The following KIF26B variants were observed in gnomAD, a reference collection of about 807,000 sequenced individuals.
The protein encoded by KIF26B is kinesin-like protein KIF26B.
KIF26B carries 63 observed loss-of-function variants against 151.2 expected under a neutral mutation model. The observed-to-expected ratio is 0.42, with a 90% CI of 0.34 to 0.51. The LOEUF (loss-of-function observed/expected upper bound fraction) is 0.51. Among genes scored for constraint, KIF26B ranks in the 20% least tolerant of loss-of-function variants. The probability of loss-of-function intolerance (pLI) is 0.07; values close to 1 mark genes in which losing one functional copy is unlikely to be tolerated. For synonymous variants in KIF26B, 1,357 were observed against 1,262.1 expected (o/e 1.08, Z -1.59); for missense variants, 2,813 against 2,913.6 (o/e 0.97, Z 0.79).
At chr1:245,364,709 C>T (rs898224932) in intron 2 of KIF26B, among the ~76,000 whole-genome samples, 6 of 152,086 alleles carry the variant, frequency 3.9e-5, no homozygotes, top group African/African-American at 9.7e-5. Context: ...CATGAGCCAC[C>T]GCGCCCGGCT....
chr1:245,578,060 G>C (rs963266003), intron 5 of KIF26B, among the ~76,000 whole-genome samples: 1 of 152,228 alleles, frequency 6.6e-6, no homozygotes, highest in Admixed American at 6.5e-5. Flanking sequence ...GTGGAACTGC[G>C]GCAATGAGTC....
chr1:245,622,056 G>A (rs1024503330), intron 9 of KIF26B, among the ~76,000 whole-genome samples: 8 of 152,122 alleles, frequency 5.3e-5, no homozygotes, highest in African/African-American at 1.9e-4. Flanking sequence ...TTAATCTGTG[G>A]TGCATGTGGA....
rs1323478522 is a variant in KIF26B, at chr1:245,330,190, A to T, written c.466-36644A>T. Among the ~76,000 whole-genome samples, 6 of 151,384 alleles carry T rather than the reference A, an allele frequency of 4.0e-5. No homozygotes were observed. The East Asian group carries it at 1.0e-3, about 25-fold the overall frequency. ...GTAGAATTGTCTGCTTTTAGCACAC[A>T]GGCCCACCTGGGCTGGCCTGAGGAG... On this transcript the variant is annotated intron_variant, in intron 2 of 14. Coordinates refer to ENST00000407071, the MANE Select transcript of KIF26B (RefSeq NM_018012.4).
chr1:245,462,896 G>A (rs1332303229), intron 4 of KIF26B, among the ~76,000 whole-genome samples: 1 of 152,200 alleles, frequency 6.6e-6, no homozygotes, highest in Admixed American at 6.5e-5. Flanking sequence ...GACCTGAAGA[G>A]GCAGGCAGGC....
rs547235735 is a variant in KIF26B at position 245,219,769 on chromosome 1, C to T, written c.465+63086C>T. 1.1e-3 allele frequency among the ~76,000 whole-genome samples: 163 copies of T among 152,160 alleles called. 1 individual carries two copies. The highest frequency in any genetic ancestry group is 1.0e-3 in the Non-Finnish European group (71 of 67,990). The stretch of plus-strand genomic sequence containing the variant: ...AAAAAAAGAAAACAAAGAAAGAAAC[C>T]AGAACACCAGGTGTGTCTTCCTGAG... On this transcript the variant is annotated intron_variant, in intron 2 of 14. Transcript: ENST00000407071.
At chr1:245,473,664 A>C (rs1261550871) in intron 4 of KIF26B, among the ~76,000 whole-genome samples, 1 of 152,012 alleles carries the variant, frequency 6.6e-6, no homozygotes, top group African/African-American at 2.4e-5. Context: ...ATAGCTCTAA[A>C]TACTTTCAAA....
At chr1:245,296,330 C>T (rs940537303) in intron 2 of KIF26B, among the ~76,000 whole-genome samples, 1 of 151,990 alleles carries the variant, frequency 6.6e-6, no homozygotes, top group African/African-American at 2.4e-5. Context: ...GCTGAAGAAC[C>T]ATCTCACTGG....
At chr1:245,326,635 A>C (rs1202401896) in intron 2 of KIF26B, among the ~76,000 whole-genome samples, 4 of 152,234 alleles carry the variant, frequency 2.6e-5, no homozygotes, top group African/African-American at 9.6e-5. Context: ...GCTTGGCACA[A>C]GGAGCAGCAG....
chr1:245,418,383 A>G (rs1231058175), intron 3 of KIF26B, among the ~76,000 whole-genome samples: 1 of 152,258 alleles, frequency 6.6e-6, no homozygotes, highest in Non-Finnish European at 1.5e-5. Flanking sequence ...TTTCCGTTGA[A>G]TAATGCCAAG....
At chr1:245,206,196 C>T in intron 2 of KIF26B, among the ~76,000 whole-genome samples, 1 of 152,280 alleles carries the variant, frequency 6.6e-6, no homozygotes, top group East Asian at 1.9e-4. Flanking sequence ...TCTCCAGCTC[C>T]CTGTAAAGGC....
At chr1:245,293,369 C>A (rs1309299817) in intron 2 of KIF26B, among the ~76,000 whole-genome samples, 1 of 151,948 alleles carries the variant, frequency 6.6e-6, no homozygotes, top group Non-Finnish European at 1.5e-5. Context: ...CCTTGCAGGG[C>A]ATGGATTTGG....
chr1:245,165,807 G>C (rs1438386096), intron 2 of KIF26B, among the ~76,000 whole-genome samples: 3 of 152,142 alleles, frequency 2.0e-5, no homozygotes, highest in Non-Finnish European at 2.9e-5. Flanking sequence ...AGGAAGTAAG[G>C]ACTGAGGTTT....
intron 2 of KIF26B, among the ~76,000 whole-genome samples, chr1:245,164,229 T>C (rs1668580245): frequency 6.6e-6 from 1 of 152,234 alleles, no homozygotes; most frequent in African/African-American, 2.4e-5. Context: ...TCCTTAGATT[T>C]GTTAATATTG....
intron 10 of KIF26B, among the ~76,000 whole-genome samples, chr1:245,680,147 C>T (rs1175982382): frequency 2.0e-5 from 3 of 152,184 alleles, no homozygotes; most frequent in African/African-American, 7.2e-5. Flanking sequence ...TTCCGAGTTC[C>T]TCCTACAGTT....
chr1:245,206,105 C>T (rs1573707571), intron 2 of KIF26B, among the ~76,000 whole-genome samples: 1 of 152,046 alleles, frequency 6.6e-6, no homozygotes, highest in Middle Eastern at 3.2e-3. Flanking sequence ...ACCCAGGGTC[C>T]CTCTTTGTTG....
rs1274768402 is a variant in KIF26B, at chr1:245,242,895, C to T, written c.465+86212C>T. On this transcript the variant is annotated intron_variant, in intron 2 of 14. Transcript: ENST00000407071. ...TCGAACTCCTGACATCATGATCTGC[C>T]CGCCTTGGCCTCCCAAAGTGCTGGG... Among the ~76,000 whole-genome samples the T allele has an allele frequency of 3.3e-5, 5 of 150,298 alleles. No individual in the cohort carries two copies. In the South Asian group the frequency reaches 1.0e-3, roughly 31 times the overall value.
At chr1:245,384,215 C>G (rs539361630) in intron 3 of KIF26B, among the ~76,000 whole-genome samples, 64 of 152,284 alleles carry the variant, frequency 4.2e-4, no homozygotes, top group African/African-American at 1.4e-3. Flanking sequence ...TCCACTGTCT[C>G]TCCACAGTCA....
At position 245,207,778 on chromosome 1, in the gene KIF26B, C is replaced by T. The variant is rs574170467; in HGVS notation, c.465+51095C>T. 1.5e-4 allele frequency among the ~76,000 whole-genome samples: 23 copies of T among 152,316 alleles called. No individual in the cohort carries two copies. In the Middle Eastern group the frequency reaches 0.01, roughly 68 times the overall value. On this transcript the variant is annotated intron_variant, in intron 2 of 14. Coordinates refer to ENST00000407071, the MANE Select transcript of KIF26B (RefSeq NM_018012.4). ...CTTCCCACAGCTCCCCCCAAACACA[C>T]GTACACATCGTTTTTCACACCATCA...
rs1476998534 is a variant in KIF26B, at chr1:245,520,592, CCATCCATCCACCCACCCACCCAT to C, written c.1167-20173_1167-20151del. ...TTCATCCATCCATCCATCCATCCAT[CCATCCATCCACCCACCCACCCAT>C]CCATCCATCCATCCATCCATCCATC... On this transcript the variant is annotated intron_variant, in intron 4 of 14. Coordinates refer to ENST00000407071, the MANE Select transcript of KIF26B (RefSeq NM_018012.4). 5.5e-4 allele frequency among the ~76,000 whole-genome samples: 37 copies of C among 66,900 alleles called. 1 individual carries two copies. Among genetic ancestry groups the C allele is most frequent in the South Asian group, 3.4e-3 (4 of 1,178 alleles). The allele number at this position is 66,900 out of a possible 152,430, so 43.9% of individuals were successfully genotyped here.
Sources: gnomAD v4.1 joint callset for allele counts (sites outside exome capture counted in the v4.1 genomes callset) on GRCh38, gnomAD v4.1.1 for gene constraint, MANE v1.5 for transcripts, NCBI Gene and HGNC (gene_info 2026-07-23, HGNC 2026-07-21) for gene names.